RCAN2: variants seen among roughly 807,000 people sequenced by gnomAD.
The protein encoded by RCAN2 is calcipressin-2.
RCAN2 carries 9 observed loss-of-function variants against 23.6 expected under a neutral mutation model. The ratio of observed to expected loss-of-function variants is 0.38; its 90% CI spans 0.23 to 0.67. The LOEUF is 0.67. Among genes scored for constraint, RCAN2 ranks in the 30% least tolerant of loss-of-function variants. The pLI is 0.51. For missense variants in RCAN2, 273 were observed against 302.3 expected (o/e 0.90, Z 0.72); for synonymous variants, 109 against 115.7 (o/e 0.94, Z 0.37).
intron 2 of RCAN2, among the ~76,000 whole-genome samples, chr6:46,309,217 C>T (rs909667715): frequency 6.6e-6 from 1 of 152,186 alleles, no homozygotes; most frequent in East Asian, 1.9e-4. Flanking sequence ...CAGTAATACC[C>T]TCATTGCCAT....
chr6:46,416,531 T>C (rs546451883), intron 2 of RCAN2, among the ~76,000 whole-genome samples: 1 of 152,020 alleles, frequency 6.6e-6, no homozygotes, highest in African/African-American at 2.4e-5. Flanking sequence ...TTTTCTTTTT[T>C]TCAGATAGTG....
At chr6:46,243,397 A>G (rs1356102891) in intron 4 of RCAN2, among the ~76,000 whole-genome samples, 1 of 152,192 alleles carries the variant, frequency 6.6e-6, no homozygotes, top group African/African-American at 2.4e-5. Flanking sequence ...AATATCAGTC[A>G]TACTTAAAAA....
chr6:46,429,337 A>G (rs1767121356), intron 2 of RCAN2, among the ~76,000 whole-genome samples: 1 of 152,208 alleles, frequency 6.6e-6, no homozygotes, highest in African/African-American at 2.4e-5. Context: ...AAGCCAAAAG[A>G]TACGGGTTCC....
chr6:46,364,844 A>T (rs1365577061), intron 2 of RCAN2, among the ~76,000 whole-genome samples: 1 of 152,068 alleles, frequency 6.6e-6, no homozygotes, highest in Non-Finnish European at 1.5e-5. Context: ...TTGTCTCCTA[A>T]CATTCTCCCT....
At chr6:46,394,245 T>C (rs1327137062) in intron 2 of RCAN2, among the ~76,000 whole-genome samples, 1 of 152,250 alleles carries the variant, frequency 6.6e-6, no homozygotes, top group East Asian at 1.9e-4. Flanking sequence ...AAGAACTCAA[T>C]TCTTCAGTAG....
rs60947209 is a variant in RCAN2, at chr6:46,296,066, C to CGTGTGTGTGT, written c.226-47180_226-47171dup. 9.5e-4 allele frequency among the ~76,000 whole-genome samples: 132 copies of CGTGTGTGTGT among 138,532 alleles called. 1 individual carries two copies. The highest frequency in any genetic ancestry group is 3.0e-3 in the African/African-American group (114 of 37,724). The allele number at this position is 138,532 out of a possible 152,430, so 90.9% of individuals were successfully genotyped here. A position where few individuals can be genotyped will look rare whatever the true frequency, so the allele number is the denominator to read the frequency against. On this transcript the variant is annotated intron_variant, in intron 2 of 4. Coordinates refer to ENST00000371374, the MANE Select transcript of RCAN2 (RefSeq NM_001251974.2). Reference sequence around the variant, plus strand: ...GCCTGGGATTACAGTCCAATAGCTTCGTGTGTGTGTGTGTGTGTGTGTGTG... The same window carrying CGTGTGTGTGT: ...GCCTGGGATTACAGTCCAATAGCTTCGTGTGTGTGTGTGTGTGTGTGTGTGTGTGTGTGTG...
chr6:46,401,416 T>C (rs1366777183), intron 2 of RCAN2, among the ~76,000 whole-genome samples: 2 of 152,178 alleles, frequency 1.3e-5, no homozygotes, highest in African/African-American at 4.8e-5. Flanking sequence ...TTCAGGTGCC[T>C]TCCCTTGGAT....
Position 46,396,447 on chromosome 6 carries a change from A to C in RCAN2, c.225+60305T>G, listed in dbSNP as rs574307794. Among the ~76,000 whole-genome samples, 496 of 152,280 alleles carry C rather than the reference A, an allele frequency of 3.3e-3. 2 individuals are homozygous for C. The highest frequency in any genetic ancestry group is 0.012 in the African/African-American group (479 of 41,546). ...CCATTAAAGAGGGCTGATATGTCTCATTTATTCAAAAGACCCGTATTTGAC... is the reference window on the plus strand; with the variant it reads ...CCATTAAAGAGGGCTGATATGTCTCCTTTATTCAAAAGACCCGTATTTGAC... On this transcript the variant is annotated intron_variant, in intron 2 of 4. Transcript: ENST00000371374.
At chr6:46,365,311 A>T (rs1007104288) in intron 2 of RCAN2, among the ~76,000 whole-genome samples, 4 of 151,928 alleles carry the variant, frequency 2.6e-5, no homozygotes, top group African/African-American at 9.7e-5. Context: ...CCCTGTCTCT[A>T]CTAAAAATAC....
chr6:46,291,938 T>A (rs1275411665), intron 2 of RCAN2, among the ~76,000 whole-genome samples: 1 of 152,172 alleles, frequency 6.6e-6, no homozygotes, highest in Non-Finnish European at 1.5e-5. Flanking sequence ...TACAGAGACA[T>A]GAATGTGCAG....
chr6:46,450,036 G>C (rs951996183), intron 2 of RCAN2, among the ~76,000 whole-genome samples: 1 of 151,684 alleles, frequency 6.6e-6, no homozygotes, highest in Admixed American at 6.6e-5. Context: ...TGCAAAGAGA[G>C]AAAACATTTG....
chr6:46,441,852 A>G (rs1767554769), intron 2 of RCAN2, among the ~76,000 whole-genome samples: 1 of 152,214 alleles, frequency 6.6e-6, no homozygotes, highest in Admixed American at 6.5e-5. Context: ...TTATCAATGA[A>G]CAGGTAATAA....
intron 2 of RCAN2, among the ~76,000 whole-genome samples, chr6:46,288,039 C>T (rs1019504934): frequency 1.3e-5 from 2 of 152,154 alleles, no homozygotes; most frequent in African/African-American, 2.4e-5. Context: ...GAGGGTTTTG[C>T]TCTTATTCAT....
chr6:46,470,983 C>G (rs183050539), intron 1 of RCAN2, among the ~76,000 whole-genome samples: 1 of 152,340 alleles, frequency 6.6e-6, no homozygotes, highest in Admixed American at 6.5e-5. Flanking sequence ...TTATACCCAC[C>G]TATCAAAACC....
chr6:46,462,458 C>T (rs995133683), intron 1 of RCAN2, among the ~76,000 whole-genome samples: 1 of 152,080 alleles, frequency 6.6e-6, no homozygotes, highest in Non-Finnish European at 1.5e-5. Flanking sequence ...TAATTTTCAT[C>T]CAAGATTTTC....
At chr6:46,461,459 A>C (rs781443637) in intron 1 of RCAN2, among the ~76,000 whole-genome samples, 2 of 152,226 alleles carry the variant, frequency 1.3e-5, no homozygotes, top group Non-Finnish European at 2.9e-5. Flanking sequence ...GAGAATTTCA[A>C]AACTTCTTTA....
At chr6:46,450,533 G>T (rs569581382) in intron 2 of RCAN2, among the ~76,000 whole-genome samples, 2 of 152,178 alleles carry the variant, frequency 1.3e-5, no homozygotes, top group South Asian at 4.1e-4. Context: ...GCCAAGATAT[G>T]GACTTAACCT....
At chr6:46,323,523 C>T (rs1763686561) in intron 2 of RCAN2, among the ~76,000 whole-genome samples, 1 of 152,154 alleles carries the variant, frequency 6.6e-6, no homozygotes, top group Admixed American at 6.5e-5. Flanking sequence ...AGCTGTTCAC[C>T]ATCTAGCCCT....
intron 2 of RCAN2, among the ~76,000 whole-genome samples, chr6:46,432,107 A>G (rs1767227387): frequency 6.6e-6 from 1 of 152,230 alleles, no homozygotes. Context: ...TATAAGTTGT[A>G]GTTACAAACT....
Sources: allele counts gnomAD v4.1 joint callset (sites outside exome capture counted in the v4.1 genomes callset), GRCh38; gene constraint gnomAD v4.1.1; transcripts MANE v1.5; gene names NCBI Gene and HGNC (gene_info 2026-07-23, HGNC 2026-07-21).